GRIK4: variants seen among roughly 807,000 people sequenced by gnomAD.
The protein encoded by GRIK4 is glutamate receptor ionotropic, kainate 4.
GRIK4 carries 40 observed loss-of-function variants against 104.9 expected under a neutral mutation model. The observed-to-expected ratio is 0.38, with a 90% CI of 0.30 to 0.50. GRIK4 has a LOEUF of 0.50. Ranked by LOEUF, GRIK4 falls within the 20% of genes least tolerant of loss-of-function variation. The pLI, the probability that GRIK4 is intolerant of heterozygous loss-of-function variation, is 0.93. For missense variants in GRIK4, 1,047 were observed against 1,308.1 expected (o/e 0.80, Z 3.08); for synonymous variants, 485 against 524.9 (o/e 0.92, Z 1.04).
chr11:120,849,780 A>C (rs779984093), intron 8 of GRIK4, among the ~76,000 whole-genome samples: 1 of 152,152 alleles, frequency 6.6e-6, no homozygotes, highest in Admixed American at 6.5e-5. Flanking sequence ...TCTGTGCTCT[A>C]TTGGTTTCTA....
At chr11:120,899,744 C>T (rs1385465745) in intron 12 of GRIK4, among the ~76,000 whole-genome samples, 1 of 152,212 alleles carries the variant, frequency 6.6e-6, no homozygotes, top group African/African-American at 2.4e-5. Context: ...TGTTCCTCCC[C>T]TCCCCCTTTT....
intron 1 of GRIK4, among the ~76,000 whole-genome samples, chr11:120,633,450 G>A (rs1949355771): frequency 6.6e-6 from 1 of 152,316 alleles, no homozygotes; most frequent in South Asian, 2.1e-4. Flanking sequence ...GCACATGTGT[G>A]TGCTCGCATG....
chr11:120,574,385 G>A (rs987038528), intron 1 of GRIK4, among the ~76,000 whole-genome samples: 4 of 152,194 alleles, frequency 2.6e-5, no homozygotes, highest in African/African-American at 9.7e-5. Flanking sequence ...AGAGGCTGTG[G>A]TGACACCTTA....
rs1944780082 is a variant in GRIK4 at position 120,987,688 on chromosome 11, G to C, written c.*1428G>C. On this transcript the variant is annotated 3_prime_UTR_variant, in exon 21 of 21. Coordinates refer to ENST00000527524, the MANE Select transcript of GRIK4 (RefSeq NM_014619.5). ...CTACCAAATAGGAGTTACTGATGCTGTCCAGGTTACCAGGTGACTGCTAGT... is the reference window on the plus strand; with the variant it reads ...CTACCAAATAGGAGTTACTGATGCTCTCCAGGTTACCAGGTGACTGCTAGT... 1 of 152,156 alleles carries C rather than the reference G, an allele frequency of 6.6e-6. No individual in the cohort carries two copies. The highest frequency in any genetic ancestry group is 2.4e-5 in the African/African-American group (1 of 41,414). 9.4% of individuals were successfully genotyped at this position (152,156 alleles called of 1,614,324 possible).
chr11:120,905,521 TGAGGGTGGGCTGGGAGGG>T lies in GRIK4; in HGVS notation c.1476+29_1476+46del. On this transcript the variant is annotated intron_variant, in intron 13 of 20. Transcript: ENST00000527524. The surrounding 1 kb of genome is among the most constrained non-coding windows in gnomAD (Gnocchi z 5.1). ...AAGGAGAGGACAAGTGATCTGGGCC[TGAGGGTGGGCTGGGAGGG>T]ATTGGAAGAGCATGAGGTTGTGCTG... is the stretch of plus-strand genomic sequence containing the variant. 1.7e-6 allele frequency: 1 copy of T among 593,818 alleles called. No homozygotes were observed. Among genetic ancestry groups the T allele is most frequent in the Non-Finnish European group, 3.0e-6 (1 of 338,676 alleles). 36.8% of individuals were successfully genotyped at this position (593,818 alleles called of 1,614,324 possible).
chr11:120,963,263 T>G (rs1268368181), intron 18 of GRIK4, among the ~76,000 whole-genome samples: 1 of 152,242 alleles, frequency 6.6e-6, no homozygotes, highest in Non-Finnish European at 1.5e-5. Context: ...GTGTTCAGCC[T>G]GCTGACTGTC....
intron 1 of GRIK4, chr11:120,514,909 C>T (rs1194945595): frequency 1.3e-5 from 6 of 451,948 alleles, no homozygotes; most frequent in South Asian, 3.1e-5. Flanking sequence ...CCCTGAGTTA[C>T]GGTCCTGAAA....
intron 3 of GRIK4, among the ~76,000 whole-genome samples, chr11:120,696,537 G>A (rs2135321717): frequency 6.6e-6 from 1 of 151,824 alleles, no homozygotes; most frequent in Non-Finnish European, 1.5e-5. Flanking sequence ...GGCCCAAGGT[G>A]AGAGAGCTGG....
intron 1 of GRIK4, among the ~76,000 whole-genome samples, chr11:120,583,763 G>A (rs769309494): frequency 6.6e-6 from 1 of 152,202 alleles, no homozygotes; most frequent in Non-Finnish European, 1.5e-5. Flanking sequence ...GTCATTGGTA[G>A]TTTGATAGGG....
At chr11:120,957,820 C>G (rs1312311894) in intron 16 of GRIK4, among the ~76,000 whole-genome samples, 1 of 152,102 alleles carries the variant, frequency 6.6e-6, no homozygotes, top group African/African-American at 2.4e-5. Context: ...GTGGTCTGGA[C>G]AGAATTACTG....
intron 3 of GRIK4, among the ~76,000 whole-genome samples, chr11:120,771,939 C>G (rs908586510): frequency 2.0e-5 from 3 of 152,216 alleles, no homozygotes; most frequent in Non-Finnish European, 4.4e-5. Flanking sequence ...TAGAACTACC[C>G]TCATGATCAC....
At chr11:120,757,879 G>A (rs1354995348) in intron 3 of GRIK4, among the ~76,000 whole-genome samples, 1 of 152,302 alleles carries the variant, frequency 6.6e-6, no homozygotes, top group African/African-American at 2.4e-5. Flanking sequence ...TGAAGCTTCA[G>A]CTTCTCCACT....
At chr11:120,714,215 C>T (rs542734331) in intron 3 of GRIK4, among the ~76,000 whole-genome samples, 53 of 152,154 alleles carry the variant, frequency 3.5e-4, no homozygotes, top group Non-Finnish European at 6.5e-4. Context: ...TTAATAATGT[C>T]GGGAATTCAC....
chr11:120,712,269 C>A (rs150866768), intron 3 of GRIK4, among the ~76,000 whole-genome samples: 107 of 151,986 alleles, frequency 7.0e-4, no homozygotes, highest in Middle Eastern at 3.4e-3. Context: ...TGTGCTGGGG[C>A]GAGGGTTGGG....
chr11:120,636,476 T>C (rs76015632), intron 1 of GRIK4, among the ~76,000 whole-genome samples: 10,982 of 152,264 alleles, frequency 0.072, 466 homozygotes, highest in South Asian at 0.15. Flanking sequence ...CTTCTCTTGA[T>C]ATCTAAGAAG....
Position 120,557,595 on chromosome 11 carries a change from C to T in GRIK4, c.-159+45708C>T, listed in dbSNP as rs1375772373. On this transcript the variant is annotated intron_variant, in intron 1 of 20. Transcript: ENST00000527524. ...GCCCATTCATCATGTTAAGTCAGCCCCTGAAATACCAGCCAGGCTCAGGCT... is the reference window on the plus strand; with the variant it reads ...GCCCATTCATCATGTTAAGTCAGCCTCTGAAATACCAGCCAGGCTCAGGCT... Among the ~76,000 whole-genome samples the T allele has an allele frequency of 4.6e-5, 7 of 152,316 alleles. No individual in the cohort carries two copies. The South Asian group carries it at 1.4e-3, about 32-fold the overall frequency.
intron 3 of GRIK4, among the ~76,000 whole-genome samples, chr11:120,765,035 A>T (rs2135447010): frequency 6.6e-6 from 1 of 152,244 alleles, no homozygotes; most frequent in Admixed American, 6.5e-5. Flanking sequence ...CTCCTGGATA[A>T]TATCCTGATG....
At chr11:120,649,315 A>G (rs1019418022) in intron 1 of GRIK4, among the ~76,000 whole-genome samples, 2 of 152,252 alleles carry the variant, frequency 1.3e-5, no homozygotes, top group African/African-American at 4.8e-5. Context: ...AGAAAAAAAA[A>G]AAGATAGGGC....
At chr11:120,851,584 G>A (rs1452832292) in intron 8 of GRIK4, among the ~76,000 whole-genome samples, 1 of 152,210 alleles carries the variant, frequency 6.6e-6, no homozygotes, top group Non-Finnish European at 1.5e-5. Flanking sequence ...TGCCCAACAT[G>A]TTGTGTGTTC....
Sources: gnomAD v4.1 joint callset for allele counts (sites outside exome capture counted in the v4.1 genomes callset) on GRCh38, gnomAD v4.1.1 for gene constraint, Gnocchi (gnomAD v3.1) non-coding constraint, MANE v1.5 for transcripts, NCBI Gene and HGNC (gene_info 2026-07-23, HGNC 2026-07-21) for gene names.